Variants in GLRX5 observed in about 807,000 individuals in gnomAD.
GLRX5 encodes glutaredoxin-related protein 5, mitochondrial.
GLRX5 carries 10 observed loss-of-function variants against 13.8 expected under a neutral mutation model. The observed-to-expected ratio is 0.72, with a 90% CI of 0.45 to 1.23. GLRX5 has a LOEUF of 1.23. Among genes scored for constraint, GLRX5 ranks in the 50% most tolerant of loss-of-function variants. GLRX5 has a pLI of 0.00. For synonymous variants in GLRX5, 98 were observed against 101.1 expected (o/e 0.97, Z 0.18); for missense variants, 233 against 215.2 (o/e 1.08, Z -0.52).
intron 1 of GLRX5, among the ~76,000 whole-genome samples, chr14:95,540,979 G>A (rs978131492): frequency 1.3e-5 from 2 of 152,158 alleles, no homozygotes; most frequent in East Asian, 1.9e-4. Flanking sequence ...CATTAGATGC[G>A]TGTAAACTGA....
intron 1 of GLRX5, chr14:95,543,265 G>T: frequency 2.2e-6 from 1 of 448,736 alleles, no homozygotes; most frequent in Non-Finnish European, 4.5e-6. Flanking sequence ...CATCACAGTG[G>T]CTGGATAGAT....
At chr14:95,535,425 C>A (rs1187958701) in intron 1 of GLRX5, 41 bp downstream of exon 1, 1 of 1,523,930 alleles carries the variant, frequency 6.6e-7, no homozygotes. Flanking sequence ...CGCCCCGGGC[C>A]CAGGAGCATC....
At chr14:95,539,183 A>G (rs1480035096) in intron 1 of GLRX5, among the ~76,000 whole-genome samples, 1 of 152,190 alleles carries the variant, frequency 6.6e-6, no homozygotes, top group Non-Finnish European at 1.5e-5. Flanking sequence ...TTCATCCCGA[A>G]GCTATCCCCA....
rs1015399932 is a variant in GLRX5 at position 95,539,494 on chromosome 14, G to C, written c.295+4110G>C. On this transcript the variant is annotated intron_variant, in intron 1 of 1. Coordinates refer to ENST00000331334, the MANE Select transcript of GLRX5 (RefSeq NM_016417.3). ...AAGCAAGTTGCAAACACGTAATTAT[G>C]GCATAATACCATTTGTATATGTAAA... Among the ~76,000 whole-genome samples the C allele has an allele frequency of 2.6e-5, 4 of 152,142 alleles. 1 individual carries two copies. The highest frequency in any genetic ancestry group is 4.4e-5 in the Non-Finnish European group (3 of 68,012).
chr14:95,542,329 C>G (rs1891486807), intron 1 of GLRX5, among the ~76,000 whole-genome samples: 1 of 152,254 alleles, frequency 6.6e-6, no homozygotes, highest in Admixed American at 6.5e-5. Context: ...TGCCAAAGAG[C>G]TAGCTGTTGT....
Position 95,535,394 on chromosome 14 carries a change from G to C in GLRX5, c.295+10G>C, listed in dbSNP as rs542758630. The C allele has an allele frequency of 6.5e-6, 10 of 1,546,838 alleles. No individual in the cohort carries two copies. In the South Asian group the frequency reaches 1.1e-4, roughly 17 times the overall value. On this transcript the variant is annotated intron_variant, in intron 1 of 1. Coordinates refer to ENST00000331334, the MANE Select transcript of GLRX5 (RefSeq NM_016417.3). ...CCGGAGCTCCGACAAGGTCAGGCCA[G>C]TGTGCCGGGCAGGCGCCCTCCGCCC...
At chr14:95,535,454 G>A in intron 1 of GLRX5, 70 bp downstream of exon 1, 6 of 1,415,898 alleles carry the variant, frequency 4.2e-6, no homozygotes, top group Non-Finnish European at 5.8e-6. Flanking sequence ...AGGCCGAGGG[G>A]TTCCGCCGCG....
At chr14:95,538,935 A>G (rs1183241031) in intron 1 of GLRX5, among the ~76,000 whole-genome samples, 1 of 152,200 alleles carries the variant, frequency 6.6e-6, no homozygotes, top group Non-Finnish European at 1.5e-5. Flanking sequence ...TGACTTCTGC[A>G]TGTGTGTGTT....
rs1160301512 is a variant in GLRX5 at position 95,544,184 on chromosome 14, A to G, written c.*59A>G. 1 of 1,476,784 alleles carries G rather than the reference A, an allele frequency of 6.8e-7. No individual in the cohort carries two copies. The highest frequency in any genetic ancestry group is 1.2e-5 in the South Asian group (1 of 86,234). The allele number at this position is 1,476,784 out of a possible 1,614,324, so 91.5% of individuals were successfully genotyped here. ...CCGTTCATGTCAGAGACTCACTGCCAGAAAAGCCTTACCCATTTTGGTTTT... is the reference window on the plus strand; with the variant it reads ...CCGTTCATGTCAGAGACTCACTGCCGGAAAAGCCTTACCCATTTTGGTTTT... On this transcript the variant is annotated 3_prime_UTR_variant, in exon 2 of 2. Coordinates refer to ENST00000331334, the MANE Select transcript of GLRX5 (RefSeq NM_016417.3).
chr14:95,539,839 C>T (rs953443572), intron 1 of GLRX5, among the ~76,000 whole-genome samples: 4 of 151,876 alleles, frequency 2.6e-5, no homozygotes, highest in Admixed American at 6.6e-5. Context: ...TTTTGTAAAA[C>T]GCTTAAAGAG....
chr14:95,544,411 A>AG lies in GLRX5; in HGVS notation c.*287dup. 2.5e-6 allele frequency: 1 copy of AG among 405,138 alleles called. No homozygotes were observed. The highest frequency in any genetic ancestry group is 4.5e-6 in the Non-Finnish European group (1 of 220,848). The allele number at this position is 405,138 out of a possible 1,614,324, so 25.1% of individuals were successfully genotyped here. Reference sequence around the variant, plus strand: ...TTGTCACTTATTCTTTGCCTGATTCAGAAGTTAAATAGGAGCTTTGGAATC... The same window carrying AG: ...TTGTCACTTATTCTTTGCCTGATTCAGGAAGTTAAATAGGAGCTTTGGAATC... On this transcript the variant is annotated 3_prime_UTR_variant, in exon 2 of 2. Coordinates refer to ENST00000331334, the MANE Select transcript of GLRX5 (RefSeq NM_016417.3).
At chr14:95,543,363 A>G (rs1336534356) in intron 1 of GLRX5, 4 of 338,570 alleles carry the variant, frequency 1.2e-5, no homozygotes, top group East Asian at 1.5e-4. Flanking sequence ...AAACTCAACA[A>G]CTCATCATCT....
intron 1 of GLRX5, chr14:95,543,289 C>A: frequency 2.4e-6 from 1 of 411,532 alleles, no homozygotes; most frequent in South Asian, 1.7e-5. Flanking sequence ...AACTGACAAC[C>A]CATAGCTGTG....
chr14:95,538,178 T>C (rs1891413435), intron 1 of GLRX5, among the ~76,000 whole-genome samples: 1 of 152,210 alleles, frequency 6.6e-6, no homozygotes. Context: ...ATATGTCTTA[T>C]GCCACTGCCT....
Position 95,535,401 on chromosome 14 carries a change from G to T in GLRX5, c.295+17G>T. ...TCCGACAAGGTCAGGCCAGTGTGCC[G>T]GGCAGGCGCCCTCCGCCCCGGGCCC... On this transcript the variant is annotated intron_variant, in intron 1 of 1. Coordinates refer to ENST00000331334, the MANE Select transcript of GLRX5 (RefSeq NM_016417.3). The T allele has an allele frequency of 6.5e-7, 1 of 1,543,828 alleles. No individual in the cohort carries two copies. Among genetic ancestry groups the T allele is most frequent in the Non-Finnish European group, 8.7e-7 (1 of 1,144,736 alleles).
intron 1 of GLRX5, among the ~76,000 whole-genome samples, chr14:95,538,186 C>A (rs1259902136): frequency 6.6e-6 from 1 of 151,984 alleles, no homozygotes; most frequent in African/African-American, 2.4e-5. Context: ...TATGCCACTG[C>A]CTGTGGTGCT....
chr14:95,541,783 A>T (rs912631055), intron 1 of GLRX5, among the ~76,000 whole-genome samples: 1 of 152,258 alleles, frequency 6.6e-6, no homozygotes, highest in African/African-American at 2.4e-5. Context: ...ATTTTACTTT[A>T]AAAACATGTA....
rs1466942027 is a variant in GLRX5, at chr14:95,535,358, T to A, written c.269T>A (p.Val90Glu). ...HGVRDYAAYN[V>E]LDDPELRQGI... is the part of the protein sequence containing the mutation. ...GTCCGCGATTACGCGGCCTACAACG[T>A]GCTGGACGACCCGGAGCTCCGACAA... The change falls in exon 1 of 2, where the codon GTG becomes GAG. Residue 90 changes from valine (V) to glutamate (E), a missense_variant. By Grantham distance (121) the Val-to-Glu change is moderately radical. Coordinates refer to ENST00000331334, the MANE Select transcript of GLRX5 (RefSeq NM_016417.3). 2 of 1,552,294 alleles carry A rather than the reference T, an allele frequency of 1.3e-6. No individual in the cohort carries two copies. Among genetic ancestry groups the A allele is most frequent in the East Asian group, 4.8e-5 (2 of 41,440 alleles).
chr14:95,535,068 G>C lies in GLRX5; in HGVS notation c.-22G>C, dbSNP rs776972957. The C allele has an allele frequency of 2.2e-6, 3 of 1,336,024 alleles. No homozygotes were observed. The highest frequency in any genetic ancestry group is 2.9e-6 in the Non-Finnish European group (3 of 1,031,852). The allele number at this position is 1,336,024 out of a possible 1,614,324, so 82.8% of individuals were successfully genotyped here. A position where few individuals can be genotyped will look rare whatever the true frequency, so the allele number is the denominator to read the frequency against. ...GCCAGCTGTGGGCCCGGGCCGTCGT[G>C]GGCTCCGGCTTGCGTGCGGAGATGA... On this transcript the variant is annotated 5_prime_UTR_variant, in exon 1 of 2. Coordinates refer to ENST00000331334, the MANE Select transcript of GLRX5 (RefSeq NM_016417.3).
Sources: allele counts gnomAD v4.1 joint callset (sites outside exome capture counted in the v4.1 genomes callset), GRCh38; gene constraint gnomAD v4.1.1; transcripts MANE v1.5; gene names NCBI Gene and HGNC (gene_info 2026-07-23, HGNC 2026-07-21).